The following ITGB6 variants were observed in gnomAD, a reference collection of about 807,000 sequenced individuals.
ITGB6 encodes the protein integrin subunit beta 6.
A neutral mutation model predicts 84.5 loss-of-function variants in ITGB6; 80 were observed. The ratio of observed to expected loss-of-function variants is 0.95; its 90% CI spans 0.79 to 1.14. ITGB6 has a LOEUF of 1.14. Ranked by LOEUF, ITGB6 falls within the 50% of genes most tolerant of loss-of-function variation. The pLI is 0.00. For synonymous variants in ITGB6, 383 were observed against 354.9 expected (o/e 1.08, Z -0.89); for missense variants, 1,006 against 968.0 (o/e 1.04, Z -0.52).
intron 7 of ITGB6, among the ~76,000 whole-genome samples, chr2:160,155,476 A>G (rs1013778453): frequency 2.0e-5 from 3 of 152,336 alleles, no homozygotes; most frequent in East Asian, 3.9e-4. Context: ...TGATGTATCA[A>G]TGTAGGTTCA....
chr2:160,176,305 T>C (rs1334762979), intron 4 of ITGB6, among the ~76,000 whole-genome samples: 1 of 152,192 alleles, frequency 6.6e-6, no homozygotes, highest in Admixed American at 6.5e-5. Context: ...CTTGGATGGA[T>C]GTGGCCCACA....
At chr2:160,183,189 C>T (rs1249132770) in intron 4 of ITGB6, among the ~76,000 whole-genome samples, 1 of 152,134 alleles carries the variant, frequency 6.6e-6, no homozygotes, top group East Asian at 1.9e-4. Context: ...TTAAAATACA[C>T]ATAGTGGCAA....
rs780082370 is a variant in ITGB6, at chr2:160,126,569, A to G, written c.1693T>C (p.Cys565Arg). 1.2e-6 allele frequency: 2 copies of G among 1,613,664 alleles called. No individual in the cohort carries two copies. The highest frequency in any genetic ancestry group is 2.2e-5 in the East Asian group (1 of 44,898). ...NGDCDCGECV[C>R]RSGWTGEYCN... ...TACTCGCCAGTCCAGCCGCTCCTGC[A>G]CACACATTCACCACAGTCACAGTCG... is the stretch of plus-strand genomic sequence containing the variant. Residue 565 changes from cysteine (C) to arginine (R), a missense_variant, in exon 11 of 15, where the codon TGC becomes CGC. Physicochemically the swap from Cys to Arg is radical, Grantham distance 180 (BLOSUM62 -3). Transcript: ENST00000283249.
chr2:160,145,703 G>A (rs930294494), intron 7 of ITGB6, among the ~76,000 whole-genome samples: 1 of 152,156 alleles, frequency 6.6e-6, no homozygotes. Flanking sequence ...TTGGCTCAGG[G>A]CAGAGGAACA....
At chr2:160,118,874 GACAA>G (rs1310778584) in intron 12 of ITGB6, among the ~76,000 whole-genome samples, 2 of 152,104 alleles carry the variant, frequency 1.3e-5, no homozygotes, top group Non-Finnish European at 2.9e-5. Context: ...ACCAATAATA[GACAA>G]ACAGAGAACC....
rs1574096763 is a variant in ITGB6, at chr2:160,155,542, T to C, written c.1018-13471A>G. Among the ~76,000 whole-genome samples, 3 of 152,320 alleles carry C rather than the reference T, an allele frequency of 2.0e-5. No individual in the cohort carries two copies. The South Asian group carries it at 6.2e-4, about 32-fold the overall frequency. On this transcript the variant is annotated intron_variant, in intron 7 of 14. Coordinates refer to ENST00000283249, the MANE Select transcript of ITGB6 (RefSeq NM_000888.5). ...GAGATGATGATAATGGGGAAGGCTA[T>C]ACATTTATGGAGAGAGTAGGTATAT...
chr2:160,119,286 CA>C (rs1682925599), intron 12 of ITGB6, among the ~76,000 whole-genome samples: 1 of 152,118 alleles, frequency 6.6e-6, no homozygotes, highest in South Asian at 2.1e-4. Context: ...CTACAGTAAC[CA>C]AAACAGCATG....
chr2:160,167,769 TA>T (rs1685056279), intron 7 of ITGB6, among the ~76,000 whole-genome samples: 1 of 152,184 alleles, frequency 6.6e-6, no homozygotes, highest in South Asian at 2.1e-4. Context: ...TTGTGAGTCT[TA>T]AAGACTATTA....
At chr2:160,140,635 C>T (rs554270190) in intron 8 of ITGB6, among the ~76,000 whole-genome samples, 3 of 152,248 alleles carry the variant, frequency 2.0e-5, no homozygotes, top group South Asian at 2.1e-4. Context: ...GTTTTTATAG[C>T]GTTTTGTTGA....
intron 7 of ITGB6, among the ~76,000 whole-genome samples, chr2:160,160,786 C>T (rs1029865982): frequency 1.4e-4 from 21 of 152,068 alleles, no homozygotes; most frequent in Non-Finnish European, 2.6e-4. Flanking sequence ...ACTTACAGTC[C>T]GGGCCAGCCT....
Position 160,196,207 on chromosome 2 carries a change from C to A in ITGB6, c.346+9G>T, listed in dbSNP as rs761452842. Reference sequence around the variant, plus strand: ...TAGATCTATTTACATGAGCCAAATCCTAACATACCTGGTCTCAACTTAAGG... The same window carrying A: ...TAGATCTATTTACATGAGCCAAATCATAACATACCTGGTCTCAACTTAAGG... On this transcript the variant is annotated intron_variant, in intron 3 of 14. Transcript: ENST00000283249. 6.2e-7 allele frequency: 1 copy of A among 1,612,664 alleles called. No individual in the cohort carries two copies. The highest frequency in any genetic ancestry group is 8.5e-7 in the Non-Finnish European group (1 of 1,178,782).
intron 12 of ITGB6, among the ~76,000 whole-genome samples, chr2:160,119,687 G>A (rs1444693231): frequency 2.6e-5 from 4 of 152,140 alleles, no homozygotes; most frequent in Admixed American, 2.6e-4. Flanking sequence ...AAACTAAAGG[G>A]CTTCTGCACA....
chr2:160,112,011 T>C (rs867943839), intron 13 of ITGB6, 69 bp downstream of exon 13: 5 of 1,512,464 alleles, frequency 3.3e-6, no homozygotes, highest in South Asian at 2.4e-5. Context: ...CCCAGAGCGA[T>C]TTTCTGGTTG....
chr2:160,170,701 G>T (rs1277990742), intron 6 of ITGB6, among the ~76,000 whole-genome samples: 3 of 152,218 alleles, frequency 2.0e-5, no homozygotes, highest in African/African-American at 2.4e-5. Flanking sequence ...GAGTACACAG[G>T]AAGTGCTCAG....
chr2:160,137,441 G>A lies in ITGB6; in HGVS notation c.1653C>T (p.Leu551=), dbSNP rs759155093. 8.7e-6 allele frequency: 14 copies of A among 1,608,574 alleles called. No homozygotes were observed. Among genetic ancestry groups the A allele is most frequent in the Non-Finnish European group, 1.2e-5 (14 of 1,176,096 alleles). ...NFSCVRHKGL[L]CGGNGDCDCG... ...GATTTCAACATAGCCTACCTCCGCA[G>A]AGCAGCCCTTTGTGTCTCACGCAGG... The change falls in exon 10 of 15, where the codon CTC becomes CTT. Residue 551 remains leucine, a synonymous_variant. Transcript: ENST00000283249.
rs1268045458 is a variant in ITGB6, at chr2:160,137,866, A to T, written c.1243-15T>A. ...CTGAAGGAAGCCTGGAAAAGAAAAT[A>T]CTAATTATCTCCCTCCATCCACCAA... On this transcript the variant is annotated splice_polypyrimidine_tract_variant and intron_variant, in intron 9 of 14. Transcript: ENST00000283249. 3.1e-6 allele frequency: 5 copies of T among 1,610,022 alleles called. No homozygotes were observed.
chr2:160,192,866 C>T (rs1193396945), intron 4 of ITGB6, among the ~76,000 whole-genome samples: 2 of 151,872 alleles, frequency 1.3e-5, no homozygotes, highest in Non-Finnish European at 2.9e-5. Context: ...ATAAGAATGG[C>T]AAATAAACAC....
At chr2:160,174,221 C>T (rs1480636141) in intron 4 of ITGB6, 82 bp from the exon 5 acceptor site, 1 of 1,053,938 alleles carries the variant, frequency 9.5e-7, no homozygotes, top group Admixed American at 2.8e-5. Flanking sequence ...TAGCAACATT[C>T]TCCTAAATGA....
intron 7 of ITGB6, among the ~76,000 whole-genome samples, chr2:160,143,139 G>T (rs1331290508): frequency 6.6e-6 from 1 of 151,932 alleles, no homozygotes; most frequent in African/African-American, 2.4e-5. Flanking sequence ...AATACAAAAA[G>T]TAGCTTGGTG....
Sources: allele counts gnomAD v4.1 joint callset (sites outside exome capture counted in the v4.1 genomes callset), GRCh38; gene constraint gnomAD v4.1.1; transcripts MANE v1.5; gene names NCBI Gene and HGNC (gene_info 2026-07-23, HGNC 2026-07-21).